PXDNL: variants seen among roughly 807,000 people sequenced by gnomAD.
The protein encoded by PXDNL is probable oxidoreductase PXDNL.
In PXDNL, 145 loss-of-function variants were observed where a neutral mutation model predicts 150.8. The ratio of observed to expected loss-of-function variants is 0.96; its 90% CI spans 0.84 to 1.10. The LOEUF (loss-of-function observed/expected upper bound fraction) is 1.10, where lower values mean the gene tolerates loss of function less well. Ranked by LOEUF, PXDNL falls within the 50% of genes least tolerant of loss-of-function variation. PXDNL has a pLI of 0.00. For missense variants in PXDNL, 2,087 were observed against 1,873.9 expected, an observed-to-expected ratio of 1.11 and a Z score of -2.10; for synonymous variants, 757 against 725.7, an observed-to-expected ratio of 1.04 and a Z score of -0.69.
At chr8:51,502,205 A>T (rs901677816) in intron 4 of PXDNL, among the ~76,000 whole-genome samples, 2 of 152,236 alleles carry the variant, frequency 1.3e-5, no homozygotes, top group African/African-American at 4.8e-5. Flanking sequence ...AATGTGGTAC[A>T]GAGATAAAGT....
intron 2 of PXDNL, among the ~76,000 whole-genome samples, chr8:51,651,091 G>A (rs1815023499): frequency 6.6e-6 from 1 of 152,102 alleles, no homozygotes; most frequent in South Asian, 2.1e-4. Context: ...TTATCTACTA[G>A]CATGAAATAA....
intron 1 of PXDNL, among the ~76,000 whole-genome samples, chr8:51,744,736 GAAAGAGAAA>G (rs1306537648): frequency 7.2e-4 from 50 of 68,970 alleles, no homozygotes; most frequent in Admixed American, 1.7e-3. Context: ...AGAAAAGAAA[GAAAGAGAAA>G]AGAAAAGAGA....
At chr8:51,739,691 A>G (rs1340567759) in intron 1 of PXDNL, among the ~76,000 whole-genome samples, 3 of 151,902 alleles carry the variant, frequency 2.0e-5, no homozygotes, top group African/African-American at 4.8e-5. Flanking sequence ...TGGCTAACAC[A>G]GTGAAGCCCC....
In PXDNL at chr8:51,744,119, A is replaced by AAAGAAAGAAAGAAAGGAAGG. The variant is rs763172161; in HGVS notation, c.164+65061_164+65062insCCTTCCTTTCTTTCTTTCTT. ...GAAAGAAAGAAAGAAAGAAAGAAAGAAAGGAAGAAAGAGAAAGGAAGGAAG... is the reference window on the plus strand; with the variant it reads ...GAAAGAAAGAAAGAAAGAAAGAAAGAAAGAAAGAAAGAAAGGAAGGAAGGAAGAAAGAGAAAGGAAGGAAG... On this transcript the variant is annotated intron_variant, in intron 1 of 22. Transcript: ENST00000356297. Among the ~76,000 whole-genome samples, 59 of 36,056 alleles carry AAAGAAAGAAAGAAAGGAAGG rather than the reference A, an allele frequency of 1.6e-3. 13 individuals are homozygous for AAAGAAAGAAAGAAAGGAAGG. The highest frequency in any genetic ancestry group is 7.8e-3 in the South Asian group (5 of 640). 23.7% of individuals were successfully genotyped at this position (36,056 alleles called of 152,430 possible).
intron 17 of PXDNL, among the ~76,000 whole-genome samples, chr8:51,403,016 G>A (rs1808309475): frequency 1.3e-5 from 2 of 150,996 alleles, no homozygotes; most frequent in Non-Finnish European, 1.5e-5. Context: ...CGTGAACCCG[G>A]GAGGTGGAGC....
chr8:51,676,724 C>T (rs1423488071), intron 1 of PXDNL, among the ~76,000 whole-genome samples: 12 of 152,200 alleles, frequency 7.9e-5, no homozygotes, highest in Non-Finnish European at 1.2e-4. Flanking sequence ...TCTTCTATCA[C>T]AATTAGTTTT....
chr8:51,722,001 G>C (rs1816741127), intron 1 of PXDNL: 1 of 213,350 alleles, frequency 4.7e-6, no homozygotes, highest in African/African-American at 2.3e-5. Flanking sequence ...ACCAGAGATA[G>C]TGTTTACCCC....
At chr8:51,517,592 A>G (rs1811571262) in intron 4 of PXDNL, among the ~76,000 whole-genome samples, 1 of 152,182 alleles carries the variant, frequency 6.6e-6, no homozygotes, top group Non-Finnish European at 1.5e-5. Flanking sequence ...GCAAAATAAA[A>G]TGTATCATAC....
intron 5 of PXDNL, among the ~76,000 whole-genome samples, chr8:51,495,997 A>G (rs944536421): frequency 2.6e-5 from 4 of 152,208 alleles, no homozygotes; most frequent in African/African-American, 9.6e-5. Flanking sequence ...TTTTAGACCA[A>G]TGACCCTGAT....
chr8:51,730,367 A>G (rs1483986304), intron 1 of PXDNL, among the ~76,000 whole-genome samples: 2 of 152,208 alleles, frequency 1.3e-5, no homozygotes, highest in African/African-American at 4.8e-5. Context: ...ACCAATTTTT[A>G]TGTCTAGCTC....
chr8:51,612,202 C>G (rs1367232742), intron 2 of PXDNL, among the ~76,000 whole-genome samples: 1 of 152,124 alleles, frequency 6.6e-6, no homozygotes, highest in Non-Finnish European at 1.5e-5. Context: ...TTGCTCCCGG[C>G]CTCCACTCCT....
At chr8:51,682,960 G>A (rs1815785739) in intron 1 of PXDNL, among the ~76,000 whole-genome samples, 1 of 151,616 alleles carries the variant, frequency 6.6e-6, no homozygotes, top group Admixed American at 6.6e-5. Context: ...CGACCAGAGC[G>A]CTAATATCTC....
intron 2 of PXDNL, among the ~76,000 whole-genome samples, chr8:51,651,910 C>A (rs1454779588): frequency 6.6e-6 from 1 of 152,164 alleles, no homozygotes; most frequent in Non-Finnish European, 1.5e-5. Flanking sequence ...GATAACAGAT[C>A]CTTGATCTTA....
chr8:51,525,369 G>T (rs534562784), intron 4 of PXDNL, among the ~76,000 whole-genome samples: 12 of 152,308 alleles, frequency 7.9e-5, no homozygotes, highest in Non-Finnish European at 1.3e-4. Flanking sequence ...ACAGAAAAGT[G>T]CATTAACAAA....
chr8:51,741,558 C>T (rs4398903), intron 1 of PXDNL, among the ~76,000 whole-genome samples: 145,979 of 152,262 alleles, frequency 0.96, 70,284 homozygotes, highest in East Asian at 1. Context: ...AAGAATTTAC[C>T]GAGAAGAATC....
intron 6 of PXDNL, among the ~76,000 whole-genome samples, chr8:51,481,035 C>A (rs370231819): frequency 4.7e-4 from 72 of 152,068 alleles, no homozygotes; most frequent in African/African-American, 1.7e-3. Context: ...GCATAACAGG[C>A]AGATGTTGGA....
chr8:51,527,322 C>T (rs1057220492), intron 4 of PXDNL, among the ~76,000 whole-genome samples: 3 of 152,116 alleles, frequency 2.0e-5, no homozygotes, highest in Non-Finnish European at 2.9e-5. Flanking sequence ...TGATTTAGCA[C>T]GTTTGCTCCC....
intron 5 of PXDNL, among the ~76,000 whole-genome samples, chr8:51,498,099 C>T (rs1811099673): frequency 6.6e-6 from 1 of 151,834 alleles, no homozygotes. Context: ...TACTATGCAG[C>T]CATAAAAAGT....
intron 4 of PXDNL, among the ~76,000 whole-genome samples, chr8:51,547,493 C>T (rs1450886121): frequency 1.3e-5 from 2 of 152,154 alleles, no homozygotes; most frequent in Non-Finnish European, 2.9e-5. Context: ...GGCTGGGAGA[C>T]CTAAAGACAG....
Sources: allele counts gnomAD v4.1 joint callset (sites outside exome capture counted in the v4.1 genomes callset), GRCh38; gene constraint gnomAD v4.1.1; transcripts MANE v1.5; gene names NCBI Gene and HGNC (gene_info 2026-07-23, HGNC 2026-07-21).